The following ASCC1 variants were observed in gnomAD, a reference collection of about 807,000 sequenced individuals.
The protein encoded by ASCC1 is activating signal cointegrator 1 complex subunit 1.
In ASCC1, 35 loss-of-function variants were observed where a neutral mutation model predicts 46.6. The observed-to-expected ratio is 0.75, with a 90% CI of 0.57 to 0.99. The LOEUF is 0.99. Ranked by LOEUF, ASCC1 falls within the 50% of genes least tolerant of loss-of-function variation. The pLI is 0.00. For missense variants in ASCC1, 376 were observed against 428.7 expected, an observed-to-expected ratio of 0.88 and a Z score of 1.09; for synonymous variants, 143 against 146.6, an observed-to-expected ratio of 0.98 and a Z score of 0.18.
chr10:72,196,183 G>T (rs568249387), intron 5 of ASCC1, among the ~76,000 whole-genome samples: 119 of 151,882 alleles, frequency 7.8e-4, no homozygotes, highest in African/African-American at 2.7e-3. Flanking sequence ...ACCGCCCAAA[G>T]TCAGAAGATC....
chr10:72,206,142 C>T (rs946209787), intron 3 of ASCC1, among the ~76,000 whole-genome samples: 3 of 148,168 alleles, frequency 2.0e-5, no homozygotes, highest in Admixed American at 6.8e-5. Context: ...TGGTGGCTCA[C>T]GCCTGTAATC....
chr10:72,143,332 G>A (rs1264202067), intron 7 of ASCC1, among the ~76,000 whole-genome samples: 1 of 151,750 alleles, frequency 6.6e-6, no homozygotes, highest in African/African-American at 2.4e-5. Context: ...TTATTATACT[G>A]ATTTTACAGT....
chr10:72,196,678 A>C (rs561889716), intron 5 of ASCC1, 133 bp downstream of exon 5: 1 of 897,138 alleles, frequency 1.1e-6, no homozygotes, highest in East Asian at 2.6e-5. Context: ...CAATATAAGA[A>C]GCCAAAAGAA....
chr10:72,130,952 A>G (rs1845512128), intron 8 of ASCC1, among the ~76,000 whole-genome samples: 1 of 152,220 alleles, frequency 6.6e-6, no homozygotes, highest in Non-Finnish European at 1.5e-5. Context: ...TAATGTTAAA[A>G]TGTACATCAT....
chr10:72,169,086 C>G (rs1451190712), intron 5 of ASCC1, among the ~76,000 whole-genome samples: 2 of 152,194 alleles, frequency 1.3e-5, no homozygotes, highest in African/African-American at 4.8e-5. Context: ...AGAATGGTTG[C>G]AAACTATGTA....
intron 5 of ASCC1, among the ~76,000 whole-genome samples, chr10:72,172,935 TTATATTA>T (rs1851411225): frequency 7.2e-6 from 1 of 138,192 alleles, no homozygotes. Flanking sequence ...ATTATATATT[TTATATTA>T]TATATTATAT....
chr10:72,139,114 C>CTTTTTTTTTTTTTT (rs1222967667), intron 7 of ASCC1, among the ~76,000 whole-genome samples: 5 of 130,718 alleles, frequency 3.8e-5, no homozygotes, highest in African/African-American at 1.2e-4. Context: ...TTTTCTTTTT[C>CTTTTTTTTTTTTTT]TTTTTTTTTT....
chr10:72,192,449 C>T (rs1252076742), intron 5 of ASCC1, among the ~76,000 whole-genome samples: 2 of 144,220 alleles, frequency 1.4e-5, no homozygotes, highest in East Asian at 2.0e-4. Flanking sequence ...GGCGAGACTC[C>T]GTCTCAAAAA....
chr10:72,174,067 T>C (rs1851569491), intron 5 of ASCC1, among the ~76,000 whole-genome samples: 1 of 152,228 alleles, frequency 6.6e-6, no homozygotes, highest in Non-Finnish European at 1.5e-5. Flanking sequence ...AGTTTCTTTC[T>C]TGTTAAATAA....
chr10:72,179,369 C>T (rs1463771840), intron 5 of ASCC1, among the ~76,000 whole-genome samples: 3 of 152,190 alleles, frequency 2.0e-5, no homozygotes, highest in Non-Finnish European at 4.4e-5. Context: ...GCTGTTCTCA[C>T]TTGAAAATGC....
intron 3 of ASCC1, among the ~76,000 whole-genome samples, chr10:72,207,814 TA>T (rs1163970631): frequency 9.3e-5 from 10 of 107,696 alleles, no homozygotes; most frequent in Non-Finnish European, 1.9e-4. Context: ...GAAATCTTAG[TA>T]TTTTTTTTTT....
chr10:72,154,112 C>T (rs1216353316), intron 6 of ASCC1, among the ~76,000 whole-genome samples: 3 of 152,160 alleles, frequency 2.0e-5, no homozygotes, highest in African/African-American at 7.2e-5. Context: ...TTTCCAGGAG[C>T]CCAAGCTAAG....
At chr10:72,190,078 T>TA (rs1854183604) in intron 5 of ASCC1, 1 of 758,450 alleles carries the variant, frequency 1.3e-6, no homozygotes, top group African/African-American at 1.7e-5. Context: ...CCCAGCCTGA[T>TA]AAAGCGCAGC....
At chr10:72,195,256 C>T (rs945577431) in intron 5 of ASCC1, among the ~76,000 whole-genome samples, 2 of 147,690 alleles carry the variant, frequency 1.4e-5, no homozygotes, top group Non-Finnish European at 1.5e-5. Flanking sequence ...AAGCCATTCT[C>T]CCACCTCAGC....
At chr10:72,179,026 C>T (rs143191189) in intron 5 of ASCC1, among the ~76,000 whole-genome samples, 10 of 152,164 alleles carry the variant, frequency 6.6e-5, no homozygotes, top group Non-Finnish European at 1.3e-4. Flanking sequence ...ATATCTGATC[C>T]ATATGACACT....
At chr10:72,211,539 A>G (rs1858109883) in intron 2 of ASCC1, among the ~76,000 whole-genome samples, 1 of 152,156 alleles carries the variant, frequency 6.6e-6, no homozygotes, top group Admixed American at 6.6e-5. Flanking sequence ...CAGTGAACCA[A>G]GGTCGTGCCA....
At chr10:72,208,706 G>A (rs1857584413) in intron 3 of ASCC1, among the ~76,000 whole-genome samples, 1 of 152,152 alleles carries the variant, frequency 6.6e-6, no homozygotes, top group Non-Finnish European at 1.5e-5. Context: ...GTTGCAGTGA[G>A]CCAAGATCAT....
chr10:72,137,883 A>G (rs1846451496), intron 7 of ASCC1, among the ~76,000 whole-genome samples: 1 of 151,164 alleles, frequency 6.6e-6, no homozygotes, highest in Non-Finnish European at 1.5e-5. Flanking sequence ...TTTTTTTCAG[A>G]GACAGGGTCT....
chr10:72,178,693 T>C (rs1260035854), intron 5 of ASCC1, among the ~76,000 whole-genome samples: 2 of 152,172 alleles, frequency 1.3e-5, no homozygotes, highest in Non-Finnish European at 2.9e-5. Flanking sequence ...TGCAGTACTA[T>C]GAAACTACCA....
Sources: allele counts gnomAD v4.1 joint callset (sites outside exome capture counted in the v4.1 genomes callset), GRCh38; gene constraint gnomAD v4.1.1; transcripts MANE v1.5; gene names NCBI Gene and HGNC (gene_info 2026-07-23, HGNC 2026-07-21).